The following SYNPR variants were observed in gnomAD, a reference collection of about 807,000 sequenced individuals.
SYNPR encodes synaptoporin.
Under a neutral mutation model 32.9 loss-of-function variants are expected in SYNPR, and 23 were observed. That is an observed-to-expected ratio of 0.70 (90% CI 0.50 to 0.99). The LOEUF (loss-of-function observed/expected upper bound fraction) is 0.99. Ranked by LOEUF, SYNPR falls within the 50% of genes least tolerant of loss-of-function variation. SYNPR has a pLI of 0.00. For missense variants in SYNPR, 318 were observed against 349.3 expected (o/e 0.91, Z 0.71); for synonymous variants, 146 against 135.9 (o/e 1.07, Z -0.52).
At chr3:63,615,081 C>G in intron 5 of SYNPR, 143 bp from the exon 6 acceptor site, 2 of 985,142 alleles carry the variant, frequency 2.0e-6, no homozygotes, top group Non-Finnish European at 2.9e-6. Flanking sequence ...AATGAAATAC[C>G]GGTTCCAAAT....
Position 63,278,417 on chromosome 3 carries a change from A to AGGGTGTCGCTCCTCTGGCTGCTCCC in SYNPR, c.-115_-91dup. 2 of 1,340,244 alleles carry AGGGTGTCGCTCCTCTGGCTGCTCCC rather than the reference A, an allele frequency of 1.5e-6. No individual in the cohort carries two copies. The highest frequency in any genetic ancestry group is 2.7e-5 in the Admixed American group (1 of 36,632). 83.0% of individuals were successfully genotyped at this position (1,340,244 alleles called of 1,614,324 possible). A position where few individuals can be genotyped will look rare whatever the true frequency, so the allele number is the denominator to read the frequency against. ...CCCCCTGCCCTCGCCGGGCTGCTCC[A>AGGGTGTCGCTCCTCTGGCTGCTCCC]GGGTGTCGCTCCTCTGGCTGCTCCC... is the stretch of plus-strand genomic sequence containing the variant. On this transcript the variant is annotated 5_prime_UTR_variant, in exon 1 of 6. Coordinates refer to ENST00000478300, the MANE Select transcript of SYNPR (RefSeq NM_001130003.2).
At chr3:63,495,610 T>C (rs984061009) in intron 3 of SYNPR, among the ~76,000 whole-genome samples, 1 of 152,220 alleles carries the variant, frequency 6.6e-6, no homozygotes, top group Non-Finnish European at 1.5e-5. Context: ...CTTTCCACTA[T>C]TCTTCCACCG....
At chr3:63,245,708 A>AGT (rs1436282341) in intron 1 of SYNPR, among the ~76,000 whole-genome samples, 5 of 50,158 alleles carry the variant, frequency 1.0e-4, no homozygotes, top group African/African-American at 1.6e-4. Flanking sequence ...AGAGAGAGAG[A>AGT]GAGTGTGTGT....
intron 4 of SYNPR, among the ~76,000 whole-genome samples, chr3:63,568,839 T>C (rs751884645): frequency 3.3e-5 from 5 of 152,308 alleles, no homozygotes; most frequent in Non-Finnish European, 4.4e-5. Context: ...CTGAATTTCC[T>C]CATGTGATTG....
At position 63,268,171 on chromosome 3, in the gene SYNPR, T is replaced by C. The variant is rs544335036; in HGVS notation, n.287+722T>C. ...CCCCAAAGACAGCCTTTATTAAAGA[T>C]TCATTGATTACATGCCATCCAGACA... On this transcript the variant is annotated intron_variant and non_coding_transcript_variant, in intron 3 of 4. Transcript: ENST00000478456. 9.2e-5 allele frequency among the ~76,000 whole-genome samples: 14 copies of C among 152,310 alleles called. 1 individual carries two copies. The South Asian group carries it at 2.9e-3, about 32-fold the overall frequency.
At chr3:63,211,053 T>C in the SYNPR span, among the ~76,000 whole-genome samples, 2 of 152,254 alleles carry the variant, frequency 1.3e-5, no homozygotes, top group Admixed American at 1.3e-4. Flanking sequence ...AATTAGGCTG[T>C]TGGGAAAGGT....
In SYNPR at chr3:63,243,745, C is replaced by T. The variant is rs532581509; in HGVS notation, n.67-8754C>T. 1.7e-3 allele frequency among the ~76,000 whole-genome samples: 254 copies of T among 151,994 alleles called. 2 individuals are homozygous for T. The highest frequency in any genetic ancestry group is 2.6e-3 in the Non-Finnish European group (177 of 67,934). Reference sequence around the variant, plus strand: ...TATTGTCATAACTTCCTCAGAATTACGTATATGGTCATTTTGTGTGTGCAA... The same window carrying T: ...TATTGTCATAACTTCCTCAGAATTATGTATATGGTCATTTTGTGTGTGCAA... On this transcript the variant is annotated intron_variant and non_coding_transcript_variant, in intron 1 of 4. Coordinates refer to the SYNPR transcript ENST00000478456.
At chr3:63,428,958 C>T (rs533754833) in intron 2 of SYNPR, among the ~76,000 whole-genome samples, 2 of 152,116 alleles carry the variant, frequency 1.3e-5, no homozygotes, top group South Asian at 4.1e-4. Flanking sequence ...CACAAAGTCA[C>T]ATAGAATGAG....
At chr3:63,436,138 A>G (rs912990835) in intron 2 of SYNPR, among the ~76,000 whole-genome samples, 2 of 151,850 alleles carry the variant, frequency 1.3e-5, no homozygotes, top group Non-Finnish European at 2.9e-5. Flanking sequence ...TTTCTCATGG[A>G]TTTGAGAATT....
At chr3:63,510,290 T>C (rs1701671535) in intron 3 of SYNPR, among the ~76,000 whole-genome samples, 1 of 152,188 alleles carries the variant, frequency 6.6e-6, no homozygotes, top group East Asian at 1.9e-4. Flanking sequence ...TTCCACCCTT[T>C]AGTTTCAACA....
chr3:63,262,643 T>G (rs145147844), intron 2 of SYNPR, among the ~76,000 whole-genome samples: 1 of 151,702 alleles, frequency 6.6e-6, no homozygotes, highest in Non-Finnish European at 1.5e-5. Flanking sequence ...GTGGCAAGAG[T>G]GATGGGGACC....
At chr3:63,268,623 A>G (rs1247145339) in intron 3 of SYNPR, among the ~76,000 whole-genome samples, 1 of 152,214 alleles carries the variant, frequency 6.6e-6, no homozygotes, top group Non-Finnish European at 1.5e-5. Context: ...GGATCATCAT[A>G]AAGGTTTTCA....
At chr3:63,563,601 T>A (rs1225559286) in intron 4 of SYNPR, among the ~76,000 whole-genome samples, 1 of 152,160 alleles carries the variant, frequency 6.6e-6, no homozygotes, top group East Asian at 1.9e-4. Flanking sequence ...CTCCCCATTC[T>A]CCTCTCTCCT....
At chr3:63,360,069 T>C (rs1395046462) in intron 2 of SYNPR, among the ~76,000 whole-genome samples, 10 of 152,220 alleles carry the variant, frequency 6.6e-5, no homozygotes, top group Non-Finnish European at 5.9e-5. Context: ...ATCAAACTTC[T>C]GTGTGACATC....
intron 2 of SYNPR, among the ~76,000 whole-genome samples, chr3:63,429,771 G>C (rs1699958661): frequency 6.6e-6 from 1 of 152,160 alleles, no homozygotes; most frequent in Admixed American, 6.5e-5. Flanking sequence ...AAAATATTCT[G>C]AGAATGCCAT....
At chr3:63,610,541 G>T (rs1248930919) in intron 5 of SYNPR, 2 of 696,194 alleles carry the variant, frequency 2.9e-6, no homozygotes, top group Non-Finnish European at 5.2e-6. Flanking sequence ...ACTGGACTGT[G>T]ATTTCTGCTT....
At chr3:63,524,866 TGTGTGA>T (rs1559526069) in intron 3 of SYNPR, among the ~76,000 whole-genome samples, 8 of 150,526 alleles carry the variant, frequency 5.3e-5, no homozygotes, top group African/African-American at 2.0e-4. Flanking sequence ...TGTGTGTGTG[TGTGTGA>T]GAGAGAGAGA....
chr3:63,555,963 G>A (rs1353701727), intron 3 of SYNPR, among the ~76,000 whole-genome samples: 2 of 152,200 alleles, frequency 1.3e-5, no homozygotes, highest in African/African-American at 4.8e-5. Context: ...GGCAGGAAAA[G>A]GCTCTCATCT....
At chr3:63,532,061 G>A (rs1457764502) in intron 3 of SYNPR, among the ~76,000 whole-genome samples, 2 of 152,210 alleles carry the variant, frequency 1.3e-5, no homozygotes, top group African/African-American at 4.8e-5. Context: ...ATGAGAAGCA[G>A]TGGCCTTCCA....
Sources: allele counts gnomAD v4.1 joint callset (sites outside exome capture counted in the v4.1 genomes callset), GRCh38; gene constraint gnomAD v4.1.1; transcripts MANE v1.5; gene names NCBI Gene and HGNC (gene_info 2026-07-23, HGNC 2026-07-21).